The following ZFP14 variants were observed in gnomAD, a reference collection of about 807,000 sequenced individuals.
The protein encoded by ZFP14 is zinc finger protein 14 homolog.
ZFP14 carries 22 observed loss-of-function variants against 54.5 expected under a neutral mutation model. The ratio of observed to expected loss-of-function variants is 0.40; its 90% CI spans 0.29 to 0.58. The LOEUF is 0.58. Ranked by LOEUF, ZFP14 falls within the 20% of genes least tolerant of loss-of-function variation. ZFP14 has a pLI of 0.39. For synonymous variants in ZFP14, 159 were observed against 204.0 expected, an observed-to-expected ratio of 0.78 and a Z score of 1.88; for missense variants, 470 against 637.8, an observed-to-expected ratio of 0.74 and a Z score of 2.83.
At chr19:36,374,489 C>CAAAAAAA (rs398034483) in intron 1 of ZFP14, among the ~76,000 whole-genome samples, 2 of 70,532 alleles carry the variant, frequency 2.8e-5, no homozygotes, top group East Asian at 5.0e-4. Context: ...GACTCTGTCT[C>CAAAAAAA]AAAAAAAAAA....
intron 1 of ZFP14, among the ~76,000 whole-genome samples, chr19:36,373,925 A>AAAGAAAAAAATGAAAGAAAAAAGAAC (rs2031918861): frequency 6.6e-6 from 1 of 151,314 alleles, no homozygotes; most frequent in Non-Finnish European, 1.5e-5. Context: ...AAAAAAAAAA[A>AAAGAAAAAAATGAAAGAAAAAAGAAC]AGAAAAAAAT....
chr19:36,338,936 A>C lies in ZFP14; in HGVS notation c.*1288T>G, dbSNP rs567903404. The stretch of plus-strand genomic sequence containing the variant: ...TTTGATAGTTTCTAATTAATTTTAA[A>C]CTGTGGTCAGACAACAGGGATTGTA... On this transcript the variant is annotated 3_prime_UTR_variant, in exon 5 of 5. Transcript: ENST00000270001. 1.3e-5 allele frequency: 2 copies of C among 152,336 alleles called. No individual in the cohort carries two copies. Among genetic ancestry groups the C allele is most frequent in the Admixed American group, 1.3e-4 (2 of 15,302 alleles). 9.4% of individuals were successfully genotyped at this position (152,336 alleles called of 1,614,324 possible).
intron 1 of ZFP14, among the ~76,000 whole-genome samples, chr19:36,375,474 A>C (rs1445476806): frequency 3.0e-5 from 4 of 131,428 alleles, no homozygotes; most frequent in Admixed American, 1.6e-4. Flanking sequence ...CACAACTTCC[A>C]CCTCCTGGGT....
chr19:36,355,396 G>A lies in ZFP14; in HGVS notation c.235+5039C>T, dbSNP rs1272213146. Among the ~76,000 whole-genome samples, 3 of 142,846 alleles carry A rather than the reference G, an allele frequency of 2.1e-5. 1 individual carries two copies. The highest frequency in any genetic ancestry group is 4.7e-5 in the Non-Finnish European group (3 of 64,376). The allele number at this position is 142,846 out of a possible 152,430, so 93.7% of individuals were successfully genotyped here. ...ACTGGCCTTGTAAGAAGAAGAAGAG[G>A]GCCAGGTGCAGTGGCTCGCGCCTGT... On this transcript the variant is annotated intron_variant, in intron 4 of 4. Transcript: ENST00000270001.
chr19:36,341,309 C>T lies in ZFP14; in HGVS notation c.517G>A (p.Glu173Lys). The stretch of plus-strand genomic sequence containing the variant: ...AAGGTCTTCCTACACTCCTTACACT[C>T]ATACACCTTTTCTCCATTATGAACG... ...QIVHNGEKVY[E>K]CKECRKTFIR... The change falls in exon 5 of 5, where the codon GAG (glutamate) becomes AAG (lysine). Residue 173 changes from glutamate to lysine, a missense_variant. Physicochemically the swap from Glu to Lys is moderately conservative, Grantham distance 56. Coordinates refer to ENST00000270001, the MANE Select transcript of ZFP14 (RefSeq NM_020917.3). This position sits in a 1 kb window ranked among gnomAD's most constrained non-coding sequence, Gnocchi z 4.2. The T allele has an allele frequency of 6.2e-7, 1 of 1,614,218 alleles. No homozygotes were observed. Among genetic ancestry groups the T allele is most frequent in the East Asian group, 2.2e-5 (1 of 44,886 alleles).
intron 4 of ZFP14, among the ~76,000 whole-genome samples, chr19:36,345,683 C>CA (rs2031401534): frequency 6.6e-6 from 1 of 151,942 alleles, no homozygotes. Context: ...CACTGCAAGA[C>CA]AAAATAGGAA....
In ZFP14 at chr19:36,373,208, C is replaced by T. The variant is rs56840075; in HGVS notation, c.-79-5237G>A. On this transcript the variant is annotated intron_variant, in intron 1 of 4. Coordinates refer to ENST00000270001, the MANE Select transcript of ZFP14 (RefSeq NM_020917.3). ...AAGATAATCACTTGAACCCGGGAGGCGGAGGTTGTGGTGAGCCGAGATGGC... is the reference window on the plus strand; with the variant it reads ...AAGATAATCACTTGAACCCGGGAGGTGGAGGTTGTGGTGAGCCGAGATGGC... Among the ~76,000 whole-genome samples, 751 of 150,880 alleles carry T rather than the reference C, an allele frequency of 5.0e-3. 11 individuals carry two copies. The highest frequency in any genetic ancestry group is 0.018 in the African/African-American group (721 of 41,110).
chr19:36,354,953 G>A (rs979404009), intron 4 of ZFP14, among the ~76,000 whole-genome samples: 1 of 143,042 alleles, frequency 7.0e-6, no homozygotes, highest in Admixed American at 7.2e-5. Flanking sequence ...TTACAGGCAC[G>A]AAGCCACTGC....
intron 1 of ZFP14, among the ~76,000 whole-genome samples, chr19:36,369,571 C>T (rs951842808): frequency 2.6e-5 from 4 of 151,800 alleles, no homozygotes; most frequent in South Asian, 4.2e-4. Flanking sequence ...CCACTACGCC[C>T]GGCTAATTTT....
intron 1 of ZFP14, among the ~76,000 whole-genome samples, chr19:36,376,469 C>T (rs149747447): frequency 3.9e-5 from 6 of 152,000 alleles, no homozygotes; most frequent in African/African-American, 1.4e-4. Context: ...TGGTTTGAAC[C>T]TGGGGCGGGT....
In ZFP14 at chr19:36,340,491, A is replaced by G. The variant is rs2145538052; in HGVS notation, c.1335T>C (p.Ile445=). 1 of 1,613,958 alleles carries G rather than the reference A, an allele frequency of 6.2e-7. No homozygotes were observed. Among genetic ancestry groups the G allele is most frequent in the South Asian group, 1.1e-5 (1 of 91,080 alleles). Residue 445 remains isoleucine, a synonymous_variant, in exon 5 of 5, where the codon ATT becomes ATC. Coordinates refer to ENST00000270001, the MANE Select transcript of ZFP14 (RefSeq NM_020917.3). This position sits in a 1 kb window ranked among gnomAD's most constrained non-coding sequence, Gnocchi z 5.4. Reference sequence around the variant, plus strand: ...ATTCATAAGGTTTCTCACCAGTGTGAATACTTTGATGCTGAGTAAGTTGTG... The same window carrying G: ...ATTCATAAGGTTTCTCACCAGTGTGGATACTTTGATGCTGAGTAAGTTGTG... ...LLSQLTQHQS[I]HTGEKPYECK...
At chr19:36,366,446 G>A (rs932293087) in intron 2 of ZFP14, among the ~76,000 whole-genome samples, 1 of 152,022 alleles carries the variant, frequency 6.6e-6, no homozygotes, top group Non-Finnish European at 1.5e-5. Flanking sequence ...AGCCTCCTGA[G>A]TAGCTGCGTC....
rs935904915 is a variant in ZFP14 at position 36,334,747 on chromosome 19, T to A, written c.*5477A>T. The A allele has an allele frequency of 6.6e-6, 1 of 152,228 alleles. No homozygotes were observed. The highest frequency in any genetic ancestry group is 1.5e-5 in the Non-Finnish European group (1 of 68,034). 9.4% of individuals were successfully genotyped at this position (152,228 alleles called of 1,614,324 possible). On this transcript the variant is annotated 3_prime_UTR_variant, in exon 5 of 5. Transcript: ENST00000270001. Reference sequence around the variant, plus strand: ...GTTATGGTAGCATCTAACAAAGCTGTTCCTATTCCAGATATTCGGACTGAG... The same window carrying A: ...GTTATGGTAGCATCTAACAAAGCTGATCCTATTCCAGATATTCGGACTGAG...
chr19:36,374,060 T>C (rs2031921617), intron 1 of ZFP14, among the ~76,000 whole-genome samples: 1 of 152,186 alleles, frequency 6.6e-6, no homozygotes, highest in African/African-American at 2.4e-5. Flanking sequence ...TGATGCCCTA[T>C]AGTAGCAAGG....
chr19:36,340,533 C>G lies in ZFP14; in HGVS notation c.1293G>C (p.Lys431Asn). 6.2e-7 allele frequency: 1 copy of G among 1,614,106 alleles called. No individual in the cohort carries two copies. The highest frequency in any genetic ancestry group is 8.5e-7 in the Non-Finnish European group (1 of 1,180,012). Residue 431 changes from lysine (K) to asparagine (N), a missense_variant, in exon 5 of 5, where the codon AAG becomes AAC. Lys to Asn is a moderately conservative substitution (Grantham distance 94, BLOSUM62 0). Transcript: ENST00000270001. The surrounding 1 kb of genome is among the most constrained non-coding windows in gnomAD (Gnocchi z 5.4). Reference sequence around the variant, plus strand: ...TAAGTTGTGAGAGCAGTCTAAAGGCCTTTCCACACTCTTCACATTCATAGG... The same window carrying G: ...TAAGTTGTGAGAGCAGTCTAAAGGCGTTTCCACACTCTTCACATTCATAGG... ...ERPYECEECG[K>N]AFRLLSQLTQ...
intron 2 of ZFP14, chr19:36,362,902 C>G: frequency 4.2e-6 from 1 of 238,932 alleles, no homozygotes; most frequent in South Asian, 4.1e-5. Context: ...CTTTTATAAC[C>G]AATTCTTTAG....
chr19:36,353,136 G>C (rs1455361738), intron 4 of ZFP14, among the ~76,000 whole-genome samples: 1 of 141,790 alleles, frequency 7.1e-6, no homozygotes, highest in Non-Finnish European at 1.6e-5. Context: ...ACTGGGGATG[G>C]GATGCTGTTT....
chr19:36,344,587 CA>C (rs1259598875), intron 4 of ZFP14, among the ~76,000 whole-genome samples: 1 of 152,102 alleles, frequency 6.6e-6, no homozygotes, highest in Non-Finnish European at 1.5e-5. Flanking sequence ...GGCCACAGAC[CA>C]GTCCATGGTC....
rs138187618 is a variant in ZFP14 at position 36,339,760 on chromosome 19, C to T, written c.*464G>A. On this transcript the variant is annotated 3_prime_UTR_variant, in exon 5 of 5. Coordinates refer to ENST00000270001, the MANE Select transcript of ZFP14 (RefSeq NM_020917.3). Reference sequence around the variant, plus strand: ...GCCCTGGCTGAAATCTGTAGCCTTGCAAGAGACCCTGAAGCAGAGGACCCA... The same window carrying T: ...GCCCTGGCTGAAATCTGTAGCCTTGTAAGAGACCCTGAAGCAGAGGACCCA... 1 of 154,028 alleles carries T rather than the reference C, an allele frequency of 6.5e-6. No individual in the cohort carries two copies. The highest frequency in any genetic ancestry group is 2.4e-5 in the African/African-American group (1 of 41,584). 9.5% of individuals were successfully genotyped at this position (154,028 alleles called of 1,614,324 possible).
Sources: gnomAD v4.1 joint callset for allele counts (sites outside exome capture counted in the v4.1 genomes callset) on GRCh38, gnomAD v4.1.1 for gene constraint, Gnocchi (gnomAD v3.1) non-coding constraint, MANE v1.5 for transcripts, NCBI Gene and HGNC (gene_info 2026-07-23, HGNC 2026-07-21) for gene names.